WDFY4: variants seen among roughly 807,000 people sequenced by gnomAD.
WDFY4 encodes the protein WD repeat- and FYVE domain-containing protein 4.
Under a neutral mutation model 351.9 loss-of-function variants are expected in WDFY4, and 169 were observed. The ratio of observed to expected loss-of-function variants is 0.48; its 90% CI spans 0.42 to 0.55. WDFY4 has a LOEUF of 0.55. Among genes scored for constraint, WDFY4 ranks in the 20% least tolerant of loss-of-function variants. The pLI, the probability that WDFY4 is intolerant of heterozygous loss-of-function variation, is 0.00. For synonymous variants in WDFY4, 1,622 were observed against 1,574.6 expected (o/e 1.03, Z -0.71); for missense variants, 3,803 against 3,935.6 (o/e 0.97, Z 0.90).
intron 39 of WDFY4, among the ~76,000 whole-genome samples, chr10:48,857,562 C>T (rs1350052978): frequency 6.6e-6 from 1 of 151,826 alleles, no homozygotes; most frequent in Non-Finnish European, 1.5e-5. Context: ...CTCAGGAATC[C>T]CTAGAAATTT....
chr10:48,871,863 T>C (rs1221806322), intron 40 of WDFY4, among the ~76,000 whole-genome samples: 1 of 152,206 alleles, frequency 6.6e-6, no homozygotes, highest in Non-Finnish European at 1.5e-5. Flanking sequence ...AGAAACAAAA[T>C]GATCTTGTTT....
At chr10:48,836,068 C>A (rs769488890) in intron 39 of WDFY4, among the ~76,000 whole-genome samples, 7 of 152,158 alleles carry the variant, frequency 4.6e-5, no homozygotes, top group Admixed American at 3.3e-4. Context: ...CTGTGAGATG[C>A]CTTTGTCGCT....
chr10:48,719,958 A>G, intron 2 of WDFY4, 53 bp from the exon 3 acceptor site: 2 of 1,496,800 alleles, frequency 1.3e-6, no homozygotes, highest in Non-Finnish European at 1.8e-6. Flanking sequence ...GGCAGTGCTC[A>G]TGCCCTGCTT....
intron 25 of WDFY4, among the ~76,000 whole-genome samples, chr10:48,803,976 A>T (rs943564961): frequency 5.9e-5 from 9 of 152,198 alleles, no homozygotes; most frequent in African/African-American, 1.2e-4. Flanking sequence ...CTCAGAGCAC[A>T]TCCTCAGCTT....
At chr10:48,733,878 G>C in intron 9 of WDFY4, 53 bp from the exon 10 acceptor site, 4 of 1,483,640 alleles carry the variant, frequency 2.7e-6, no homozygotes, top group Non-Finnish European at 3.7e-6. Flanking sequence ...AGAGATTTGC[G>C]GTCATACCAC....
intron 13 of WDFY4, among the ~76,000 whole-genome samples, chr10:48,765,107 T>C (rs2065627024): frequency 6.6e-6 from 1 of 152,222 alleles, no homozygotes; most frequent in South Asian, 2.1e-4. Context: ...AACACATGAA[T>C]AGAACATATG....
At chr10:48,895,032 G>T (rs546226447) in intron 44 of WDFY4, among the ~76,000 whole-genome samples, 2 of 152,340 alleles carry the variant, frequency 1.3e-5, no homozygotes, top group South Asian at 4.1e-4. Flanking sequence ...ACCACAATGC[G>T]GCTTAGAGGA....
chr10:48,704,176 C>T (rs2063559875), intron 1 of WDFY4, among the ~76,000 whole-genome samples: 2 of 152,106 alleles, frequency 1.3e-5, no homozygotes, highest in Admixed American at 6.5e-5. Flanking sequence ...GGACTGGGAT[C>T]ACCGGGACCA....
intron 6 of WDFY4, among the ~76,000 whole-genome samples, chr10:48,727,216 C>A (rs2132313223): frequency 6.6e-6 from 1 of 152,328 alleles, no homozygotes; most frequent in Admixed American, 6.5e-5. Flanking sequence ...CCCCTTCTTG[C>A]TGAGAATTAG....
At chr10:48,839,135 A>T (rs1469657237) in intron 39 of WDFY4, among the ~76,000 whole-genome samples, 2 of 152,232 alleles carry the variant, frequency 1.3e-5, no homozygotes, top group African/African-American at 4.8e-5. Context: ...AAAGCTCACG[A>T]GCCCAGAGAG....
rs933404929 is a variant in WDFY4, at chr10:48,775,706, G to A, written c.2769-6G>A. ...TTCATTTTTTCCTCTTGTATGTTAT[G>A]TTCAGACAGTTTCTAGGTCTTGGAA... On this transcript the variant is annotated splice_polypyrimidine_tract_variant and splice_region_variant and intron_variant, in intron 14 of 61. Coordinates refer to ENST00000325239, the MANE Select transcript of WDFY4 (RefSeq NM_001394531.1). 2.6e-6 allele frequency: 4 copies of A among 1,551,028 alleles called. No homozygotes were observed. The highest frequency in any genetic ancestry group is 3.5e-6 in the Non-Finnish European group (4 of 1,146,540).
chr10:48,808,592 G>A (rs1277132296), intron 28 of WDFY4, among the ~76,000 whole-genome samples: 2 of 151,924 alleles, frequency 1.3e-5, no homozygotes. Flanking sequence ...AAGTCAGCCC[G>A]GATCCTTGCT....
intron 24 of WDFY4, chr10:48,802,890 G>C (rs1565216055): frequency 2.1e-6 from 1 of 475,528 alleles, no homozygotes; most frequent in East Asian, 6.6e-5. Flanking sequence ...CAGCTGGTCT[G>C]TCTCAGCCTC....
At chr10:48,911,746 T>G (rs1261889957) in intron 47 of WDFY4, among the ~76,000 whole-genome samples, 1 of 152,202 alleles carries the variant, frequency 6.6e-6, no homozygotes, top group African/African-American at 2.4e-5. Flanking sequence ...GATGAATGCT[T>G]TAAGCTACTA....
chr10:48,974,462 C>T (rs935859188), intron 57 of WDFY4, among the ~76,000 whole-genome samples: 2 of 124,974 alleles, frequency 1.6e-5, no homozygotes, highest in Admixed American at 1.1e-4. Context: ...GAGATCATGC[C>T]ATTGCACTCC....
chr10:48,739,448 T>A (rs1399066023), intron 11 of WDFY4, among the ~76,000 whole-genome samples: 2 of 152,240 alleles, frequency 1.3e-5, no homozygotes, highest in Non-Finnish European at 2.9e-5. Context: ...TCATGCAAAG[T>A]TGAATGACAG....
intron 2 of WDFY4, among the ~76,000 whole-genome samples, chr10:48,715,585 C>T (rs934824934): frequency 6.6e-6 from 1 of 151,786 alleles, no homozygotes; most frequent in Non-Finnish European, 1.5e-5. Flanking sequence ...GAAAGATAAA[C>T]ACCATTAAAT....
chr10:48,779,884 C>T (rs2066161179), intron 18 of WDFY4, 57 bp from the exon 19 acceptor site: 2 of 1,540,382 alleles, frequency 1.3e-6, no homozygotes, highest in Admixed American at 2.0e-5. Context: ...CCCCATTCTC[C>T]TGGGTTCCTG....
At chr10:48,935,306 G>A (rs369085492) in intron 47 of WDFY4, 1 of 152,218 alleles carries the variant, frequency 6.6e-6, no homozygotes, top group African/African-American at 2.4e-5. Flanking sequence ...AGGCTGAAAG[G>A]GTCTCTAAGA....
Sources: gnomAD v4.1 joint callset for allele counts (sites outside exome capture counted in the v4.1 genomes callset) on GRCh38, gnomAD v4.1.1 for gene constraint, MANE v1.5 for transcripts, NCBI Gene and HGNC (gene_info 2026-07-23, HGNC 2026-07-21) for gene names.